Variants in MXD1 observed in about 807,000 individuals in gnomAD.
MXD1 encodes MAX dimerization protein 1, also known as MAX-binding protein.
MXD1 carries 9 observed loss-of-function variants against 25.7 expected under a neutral mutation model. That is an observed-to-expected ratio of 0.35 (90% confidence interval 0.21 to 0.61). The LOEUF (loss-of-function observed/expected upper bound fraction) is 0.61, where lower values mean the gene tolerates loss of function less well. MXD1 is among the 20% of genes least tolerant of loss of function. MXD1 has a pLI of 0.75. For synonymous variants in MXD1, 99 were observed against 113.9 expected (o/e 0.87, Z 0.83); for missense variants, 227 against 292.4 (o/e 0.78, Z 1.63).
chr2:69,930,141 T>G (rs1677251652), intron 3 of MXD1, among the ~76,000 whole-genome samples: 1 of 152,210 alleles, frequency 6.6e-6, no homozygotes, highest in Non-Finnish European at 1.5e-5. Flanking sequence ...AATCTGCTAT[T>G]TTTTTCATTT....
In MXD1 at chr2:69,935,357, T is replaced by C; in HGVS notation, c.210T>C (p.Ala70=). The C allele has an allele frequency of 1.2e-6, 2 of 1,612,906 alleles. No homozygotes were observed. Among genetic ancestry groups the C allele is most frequent in the Non-Finnish European group, 1.7e-6 (2 of 1,178,884 alleles). The change falls in exon 4 of 6, where the codon GCT becomes GCC. Residue 70 remains alanine (A), a synonymous_variant. Transcript: ENST00000264444. ...THNEMEKNRR[A]HLRLCLEKLK... is the part of the protein sequence containing the mutation. Reference sequence around the variant, plus strand: ...TGTGGTCTTGTTTTCATAGACGGGCTCATCTTCGCTTGTGCCTGGAGAAGT... The same window carrying C: ...TGTGGTCTTGTTTTCATAGACGGGCCCATCTTCGCTTGTGCCTGGAGAAGT...
At chr2:69,928,559 C>G (rs1478797612) in intron 3 of MXD1, among the ~76,000 whole-genome samples, 1 of 152,136 alleles carries the variant, frequency 6.6e-6, no homozygotes, top group Non-Finnish European at 1.5e-5. Context: ...GGGACTTGAT[C>G]TTACTCAATA....
At chr2:69,933,118 G>A (rs1419393120) in intron 3 of MXD1, among the ~76,000 whole-genome samples, 1 of 146,286 alleles carries the variant, frequency 6.8e-6, no homozygotes, top group African/African-American at 2.5e-5. Context: ...AGAATCTGTT[G>A]AGCCTGGGAG....
chr2:69,920,193 G>A (rs1677039303), intron 2 of MXD1, among the ~76,000 whole-genome samples: 1 of 151,738 alleles, frequency 6.6e-6, no homozygotes, highest in African/African-American at 2.4e-5. Context: ...TCACCATGTT[G>A]GCCAGGATGG....
At chr2:69,917,190 A>G (rs535179677) in intron 2 of MXD1, among the ~76,000 whole-genome samples, 2 of 152,318 alleles carry the variant, frequency 1.3e-5, no homozygotes, top group Non-Finnish European at 2.9e-5. Context: ...TTCCCACTTA[A>G]ACCTAAAAAT....
chr2:69,921,795 G>A (rs199926910), intron 3 of MXD1, 30 bp downstream of exon 3: 11 of 1,608,514 alleles, frequency 6.8e-6, no homozygotes, highest in South Asian at 5.5e-5. Context: ...GGTGGAATGC[G>A]GGGAGCTTTG....
chr2:69,923,348 T>C (rs17037250), intron 3 of MXD1, among the ~76,000 whole-genome samples: 4,562 of 152,242 alleles, frequency 0.03, 444 homozygotes, highest in Admixed American at 0.2. Flanking sequence ...GGGCTACCCA[T>C]CCAAATTGAG....
rs761783052 is a variant in MXD1 at position 69,937,388 on chromosome 2, G to A, written c.472G>A (p.Asp158Asn). Residue 158 changes from aspartate to asparagine, a missense_variant, in exon 5 of 6, where the codon GAC (aspartate) becomes AAC (asparagine). Asp to Asn is a conservative substitution (Grantham distance 23). Transcript: ENST00000264444. Reference protein sequence around the residue: ...STVSSERSDSDREEIDVDVES... With the variant: ...STVSSERSDSNREEIDVDVES... ...CGTCTCCTCGGAGCGCTCCGACTCC[G>A]ACAGGGGTGAGCCTCTCTCACTCTC... The A allele has an allele frequency of 2.5e-6, 4 of 1,604,668 alleles. No homozygotes were observed. The highest frequency in any genetic ancestry group is 2.6e-6 in the Non-Finnish European group (3 of 1,175,424).
chr2:69,930,563 A>C (rs1677259552), intron 3 of MXD1, among the ~76,000 whole-genome samples: 1 of 152,258 alleles, frequency 6.6e-6, no homozygotes, highest in African/African-American at 2.4e-5. Context: ...TACTTTTAGC[A>C]TAAGCACTTT....
intron 3 of MXD1, among the ~76,000 whole-genome samples, chr2:69,926,922 A>C (rs1677182106): frequency 2.0e-5 from 3 of 152,202 alleles, no homozygotes; most frequent in African/African-American, 7.2e-5. Flanking sequence ...TTAATAGTAG[A>C]CATCCATTTT....
At chr2:69,922,741 G>A (rs80352135) in intron 3 of MXD1, among the ~76,000 whole-genome samples, 29,508 of 151,836 alleles carry the variant, frequency 0.19, 2,995 homozygotes, top group African/African-American at 0.23. Context: ...TTAGCCAGGT[G>A]TGGTGGCACG....
chr2:69,921,621 T>C (rs562240464), intron 2 of MXD1, 115 bp from the exon 3 acceptor site: 13 of 898,170 alleles, frequency 1.4e-5, no homozygotes, highest in Middle Eastern at 3.7e-4. Context: ...TTTCTGCCTT[T>C]CTACATCTCT....
chr2:69,925,429 A>G lies in MXD1; in HGVS notation c.203+3664A>G, dbSNP rs528648513. Reference sequence around the variant, plus strand: ...TGTTTTGGAAAAGAACTGAAAATATAGTTTTGTGTAGAAAGTTAGAAAATT... The same window carrying G: ...TGTTTTGGAAAAGAACTGAAAATATGGTTTTGTGTAGAAAGTTAGAAAATT... On this transcript the variant is annotated intron_variant, in intron 3 of 5. Transcript: ENST00000264444. 3.3e-5 allele frequency among the ~76,000 whole-genome samples: 5 copies of G among 152,314 alleles called. No homozygotes were observed. The East Asian group carries it at 7.7e-4, about 23-fold the overall frequency.
chr2:69,919,565 G>T (rs1054062661), intron 2 of MXD1, among the ~76,000 whole-genome samples: 1 of 151,912 alleles, frequency 6.6e-6, no homozygotes, highest in Admixed American at 6.6e-5. Context: ...GGCTGGTCTC[G>T]AACTCCTGAC....
intron 3 of MXD1, among the ~76,000 whole-genome samples, chr2:69,928,715 A>G (rs1425411606): frequency 6.6e-6 from 1 of 151,958 alleles, no homozygotes; most frequent in East Asian, 1.9e-4. Context: ...AAAAAAAAAA[A>G]AAAACCTGTA....
chr2:69,920,328 T>G (rs1677042086), intron 2 of MXD1, among the ~76,000 whole-genome samples: 1 of 152,208 alleles, frequency 6.6e-6, no homozygotes, highest in Admixed American at 6.5e-5. Flanking sequence ...TTTGAATACA[T>G]GAGGTCCATA....
intron 2 of MXD1, among the ~76,000 whole-genome samples, chr2:69,920,491 C>T (rs1677044682): frequency 6.6e-6 from 1 of 152,200 alleles, no homozygotes; most frequent in Non-Finnish European, 1.5e-5. Flanking sequence ...ACAACCTCCT[C>T]ACTTCCGCTG....
intron 3 of MXD1, among the ~76,000 whole-genome samples, chr2:69,922,879 C>CAA (rs34830116): frequency 0.012 from 1,402 of 114,936 alleles, 23 homozygotes; most frequent in African/African-American, 0.028. Context: ...GACTCCGTCT[C>CAA]AAAAAAAAAA....
intron 3 of MXD1, among the ~76,000 whole-genome samples, chr2:69,933,218 A>G (rs528810377): frequency 6.6e-6 from 1 of 151,218 alleles, no homozygotes; most frequent in African/African-American, 2.4e-5. Context: ...AAAAAAAAAA[A>G]AAAAAACAAA....
Sources: allele counts gnomAD v4.1 joint callset (sites outside exome capture counted in the v4.1 genomes callset), GRCh38; gene constraint gnomAD v4.1.1; transcripts MANE v1.5; gene names NCBI Gene and HGNC (gene_info 2026-07-23, HGNC 2026-07-21).